HIVEP1: variants seen among roughly 807,000 people sequenced by gnomAD.
HIVEP1 encodes zinc finger protein 40.
Under a neutral mutation model 180.0 loss-of-function variants are expected in HIVEP1, and 36 were observed. The observed-to-expected ratio is 0.20, with a 90% CI of 0.15 to 0.26. The LOEUF (loss-of-function observed/expected upper bound fraction) is 0.26. Among genes scored for constraint, HIVEP1 ranks in the 10% least tolerant of loss-of-function variants. HIVEP1 has a pLI of 1.00. For missense variants in HIVEP1, 3,143 were observed against 3,268.7 expected (o/e 0.96, Z 0.94); for synonymous variants, 1,239 against 1,239.0 (o/e 1.00, Z 0.00).
At chr6:12,174,229 TACAAGG>T in the HIVEP1 span, among the ~76,000 whole-genome samples, 1 of 152,164 alleles carries the variant, frequency 6.6e-6, no homozygotes, top group African/African-American at 2.4e-5. Context: ...ATTTCTAATC[TACAAGG>T]GTTGGAAACT....
Position 12,051,979 on chromosome 6 carries a change from T to C in HIVEP1, c.40+36311T>C, listed in dbSNP as rs1174316495. 2.0e-5 allele frequency among the ~76,000 whole-genome samples: 3 copies of C among 152,330 alleles called. No homozygotes were observed. In the East Asian group the frequency reaches 5.8e-4, roughly 29 times the overall value. Reference sequence around the variant, plus strand: ...CCAGTTTCAAAATGAGTTTACATACTGTGTGGGGGGACTTTCCAACTGAGG... The same window carrying C: ...CCAGTTTCAAAATGAGTTTACATACCGTGTGGGGGGACTTTCCAACTGAGG... On this transcript the variant is annotated intron_variant, in intron 2 of 8. Coordinates refer to ENST00000379388, the MANE Select transcript of HIVEP1 (RefSeq NM_002114.4).
At chr6:12,138,317 T>G (rs1758813703) in intron 7 of HIVEP1, among the ~76,000 whole-genome samples, 1 of 152,238 alleles carries the variant, frequency 6.6e-6, no homozygotes, top group South Asian at 2.1e-4. Context: ...ATGGATTTGT[T>G]TGTTGTCTTT....
rs539496550 is a variant in HIVEP1, at chr6:12,121,736, A to G, written c.1941A>G (p.Gln647=). The change falls in exon 4 of 9, where the codon CAA becomes CAG. Residue 647 remains glutamine, a synonymous_variant. Coordinates refer to ENST00000379388, the MANE Select transcript of HIVEP1 (RefSeq NM_002114.4). The surrounding 1 kb of genome is among the most constrained non-coding windows in gnomAD (Gnocchi z 5.3). ...TAGGAACGGTACACGCCCAGCTACA[A>G]AGGCAGCAGGCTACCGATTACTCCC... The part of the protein sequence containing the change: ...SHVGTVHAQL[Q]RQQATDYSQE... 5 of 1,614,144 alleles carry G rather than the reference A, an allele frequency of 3.1e-6. No homozygotes were observed. The South Asian group carries it at 5.5e-5, about 18-fold the overall frequency.
the HIVEP1 span, among the ~76,000 whole-genome samples, chr6:12,202,686 A>C: frequency 7.9e-5 from 12 of 152,300 alleles, no homozygotes; most frequent in East Asian, 2.3e-3. Context: ...CCAAGAATGC[A>C]AATTCATTTT....
chr6:12,188,573 ATTAC>A, the HIVEP1 span, among the ~76,000 whole-genome samples: 2 of 152,124 alleles, frequency 1.3e-5, no homozygotes, highest in Non-Finnish European at 2.9e-5. Flanking sequence ...AATTCAGTTA[ATTAC>A]TTATATCAAA....
At chr6:12,133,573 A>G (rs1356428820) in intron 6 of HIVEP1, among the ~76,000 whole-genome samples, 1 of 152,250 alleles carries the variant, frequency 6.6e-6, no homozygotes, top group Non-Finnish European at 1.5e-5. Context: ...AGCTAAAGTT[A>G]TGAGAAAATA....
At chr6:12,167,607 TTATATTACATG>T (rs1436328582), downstream of HIVEP1, among the ~76,000 whole-genome samples, 120 of 119,608 alleles carry the variant, frequency 1.0e-3, 6 homozygotes, top group African/African-American at 3.1e-3. Context: ...TATATACATG[TTATATTACATG>T]TATATATACA....
the HIVEP1 span, among the ~76,000 whole-genome samples, chr6:12,179,044 T>C: frequency 6.6e-6 from 1 of 152,086 alleles, no homozygotes; most frequent in Admixed American, 6.6e-5. Context: ...AAATGAAGTA[T>C]AGAATGATGG....
chr6:12,027,774 AG>A (rs1437165026), intron 2 of HIVEP1, among the ~76,000 whole-genome samples: 6 of 152,240 alleles, frequency 3.9e-5, no homozygotes, highest in Non-Finnish European at 8.8e-5. Flanking sequence ...AATTGCTGCT[AG>A]CACATTAAGC....
intron 3 of HIVEP1, among the ~76,000 whole-genome samples, chr6:12,103,632 A>T (rs950111283): frequency 4.9e-4 from 75 of 152,176 alleles, no homozygotes; most frequent in African/African-American, 1.7e-3. Context: ...ATTCTGGAAA[A>T]TTTAATATAC....
At chr6:12,200,197 A>G in the HIVEP1 span, among the ~76,000 whole-genome samples, 1 of 152,192 alleles carries the variant, frequency 6.6e-6, no homozygotes, top group Non-Finnish European at 1.5e-5. Context: ...GGAGTGTGCC[A>G]TGTCAATTTA....
At chr6:12,080,616 G>A (rs1280439905) in intron 2 of HIVEP1, among the ~76,000 whole-genome samples, 2 of 152,214 alleles carry the variant, frequency 1.3e-5, no homozygotes, top group African/African-American at 2.4e-5. Context: ...ACAACATTTA[G>A]TTGATCTATG....
upstream of HIVEP1, chr6:12,012,228 GCCCCCGCC>G (rs1485828096): frequency 7.2e-6 from 1 of 139,442 alleles, no homozygotes; most frequent in Non-Finnish European, 1.6e-5. Flanking sequence ...GGCGGCTGCG[GCCCCCGCC>G]CGCGCGCCCC....
At chr6:12,079,866 A>G (rs547622624) in intron 2 of HIVEP1, among the ~76,000 whole-genome samples, 1 of 152,256 alleles carries the variant, frequency 6.6e-6, no homozygotes, top group South Asian at 2.1e-4. Flanking sequence ...GATGCAATTG[A>G]TTATTGCCCT....
Position 12,139,249 on chromosome 6 carries a change from G to A in HIVEP1, c.6487+3357G>A, listed in dbSNP as rs546358226. On this transcript the variant is annotated intron_variant, in intron 7 of 8. Transcript: ENST00000379388. Reference sequence around the variant, plus strand: ...CAGCTCCCCAACCTTCCTCCCTCGCGTGCTCAGCTGCAGCCACACGGGTCT... The same window carrying A: ...CAGCTCCCCAACCTTCCTCCCTCGCATGCTCAGCTGCAGCCACACGGGTCT... Among the ~76,000 whole-genome samples, 42 of 152,004 alleles carry A rather than the reference G, an allele frequency of 2.8e-4. 2 individuals carry two copies. In the South Asian group the frequency reaches 5.2e-3, roughly 19 times the overall value.
At chr6:12,105,546 C>G (rs1158807573) in intron 3 of HIVEP1, among the ~76,000 whole-genome samples, 2 of 152,228 alleles carry the variant, frequency 1.3e-5, no homozygotes, top group East Asian at 3.9e-4. Context: ...ATCTGTTGTC[C>G]TGAGAGGAGG....
intron 7 of HIVEP1, among the ~76,000 whole-genome samples, chr6:12,151,717 GCCACC>G (rs1341915221): frequency 6.6e-6 from 1 of 152,172 alleles, no homozygotes; most frequent in Non-Finnish European, 1.5e-5. Context: ...GGCTTTGCAA[GCCACC>G]TATTCTCTGT....
chr6:12,131,764 T>A (rs1758428078), intron 6 of HIVEP1, among the ~76,000 whole-genome samples: 1 of 109,790 alleles, frequency 9.1e-6, no homozygotes, highest in South Asian at 3.1e-4. Flanking sequence ...CGTGAAAACA[T>A]GTCTGAGAAA....
intron 3 of HIVEP1, among the ~76,000 whole-genome samples, chr6:12,116,106 C>G (rs990774952): frequency 6.6e-6 from 1 of 151,958 alleles, no homozygotes; most frequent in African/African-American, 2.4e-5. Context: ...ATCCTCTTGA[C>G]TATGTTGTAG....
Sources: allele counts gnomAD v4.1 joint callset (sites outside exome capture counted in the v4.1 genomes callset), GRCh38; gene constraint gnomAD v4.1.1; non-coding constraint Gnocchi (gnomAD v3.1); transcripts MANE v1.5; gene names NCBI Gene and HGNC (gene_info 2026-07-23, HGNC 2026-07-21).